UNC80: variants seen among roughly 807,000 people sequenced by gnomAD.
UNC80 encodes the protein unc-80 subunit of NALCN channel complex, also known as protein unc-80 homolog.
A neutral mutation model predicts 384.6 loss-of-function variants in UNC80; 164 were observed. The ratio of observed to expected loss-of-function variants is 0.43; its 90% CI spans 0.38 to 0.49. The LOEUF (loss-of-function observed/expected upper bound fraction) is 0.49, where lower values mean the gene tolerates loss of function less well. Among genes scored for constraint, UNC80 ranks in the 20% least tolerant of loss-of-function variants. UNC80 has a pLI of 0.00. For synonymous variants in UNC80, 1,486 were observed against 1,527.8 expected (o/e 0.97, Z 0.64); for missense variants, 3,330 against 4,143.0 (o/e 0.80, Z 5.39).
chr2:209,911,262 T>C (rs2088906968), intron 29 of UNC80, among the ~76,000 whole-genome samples: 1 of 152,194 alleles, frequency 6.6e-6, no homozygotes, highest in African/African-American at 2.4e-5. Context: ...GGAAAACTAT[T>C]GCTATATATG....
intron 47 of UNC80, among the ~76,000 whole-genome samples, chr2:209,949,665 A>G (rs2092070156): frequency 6.6e-6 from 1 of 152,072 alleles, no homozygotes; most frequent in South Asian, 2.1e-4. Flanking sequence ...TTTAGTAGAC[A>G]TGGGGTTTCA....
chr2:209,789,358 T>C (rs932788322), intron 5 of UNC80, among the ~76,000 whole-genome samples, 174 bp from the exon 6 acceptor site: 4 of 152,182 alleles, frequency 2.6e-5, no homozygotes, highest in Admixed American at 2.6e-4. Flanking sequence ...ACCAAAAAAA[T>C]GCTAAGATTT....
intron 13 of UNC80, among the ~76,000 whole-genome samples, chr2:209,824,305 G>T (rs1413374506): frequency 6.6e-6 from 1 of 152,140 alleles, no homozygotes; most frequent in Non-Finnish European, 1.5e-5. Flanking sequence ...AGATATGCGT[G>T]CAGGCAATTT....
intron 4 of UNC80, among the ~76,000 whole-genome samples, chr2:209,780,774 G>C (rs1001843771): frequency 2.0e-5 from 3 of 151,976 alleles, no homozygotes; most frequent in African/African-American, 7.3e-5. Flanking sequence ...ATCAGGTTCT[G>C]TTGGAGCCTA....
At chr2:209,803,963 C>G (rs925788072) in intron 7 of UNC80, among the ~76,000 whole-genome samples, 1 of 152,146 alleles carries the variant, frequency 6.6e-6, no homozygotes, top group Non-Finnish European at 1.5e-5. Context: ...TCTTGAACCC[C>G]TGGCCTCAAG....
At chr2:209,793,493 TTTGCCTGATGC>T (rs1257176353) in intron 6 of UNC80, among the ~76,000 whole-genome samples, 5 of 152,212 alleles carry the variant, frequency 3.3e-5, no homozygotes, top group Non-Finnish European at 5.9e-5. Context: ...ATGAAATTAC[TTTGCCTGATGC>T]TTGAAATGAC....
chr2:209,817,662 G>T, intron 10 of UNC80, 150 bp from the exon 11 acceptor site: 1 of 919,004 alleles, frequency 1.1e-6, no homozygotes. Flanking sequence ...ATATCCCCAT[G>T]GCAAGTTCAG....
chr2:209,896,612 A>G (rs1360074444), intron 28 of UNC80, among the ~76,000 whole-genome samples, 199 bp downstream of exon 28: 1 of 152,176 alleles, frequency 6.6e-6, no homozygotes, highest in Admixed American at 6.5e-5. Context: ...TCTTAAGCTT[A>G]ACTAAGACCA....
At chr2:209,835,299 A>G (rs1484287931) in intron 18 of UNC80, among the ~76,000 whole-genome samples, 1 of 152,186 alleles carries the variant, frequency 6.6e-6, no homozygotes, top group Non-Finnish European at 1.5e-5. Flanking sequence ...TGGCATATAT[A>G]CCAGGTGGGC....
chr2:209,812,762 G>A (rs1248682108), intron 7 of UNC80, among the ~76,000 whole-genome samples: 1 of 152,120 alleles, frequency 6.6e-6, no homozygotes, highest in East Asian at 1.9e-4. Flanking sequence ...TCTGAATTTT[G>A]TGGGACACAA....
chr2:209,773,212 T>TTTGTCTATA, intron 2 of UNC80, 70 bp downstream of exon 2: 1 of 1,356,974 alleles, frequency 7.4e-7, no homozygotes, highest in Non-Finnish European at 1.0e-6. Context: ...AAGACAGATT[T>TTTGTCTATA]TAAATCAAAC....
At chr2:209,784,868 C>A (rs1015546815) in intron 4 of UNC80, among the ~76,000 whole-genome samples, 7 of 152,240 alleles carry the variant, frequency 4.6e-5, no homozygotes, top group Non-Finnish European at 1.0e-4. Flanking sequence ...ACAGGGAATT[C>A]TAAAGACTTT....
chr2:209,905,221 G>A (rs541836770), intron 29 of UNC80, among the ~76,000 whole-genome samples: 2 of 152,100 alleles, frequency 1.3e-5, no homozygotes, highest in Non-Finnish European at 2.9e-5. Flanking sequence ...TGACGATGAC[G>A]AATAAGTTAT....
At position 209,970,896 on chromosome 2, in the gene UNC80, A is replaced by C. The variant is rs1187770842; in HGVS notation, c.8195A>C (p.Tyr2732Ser). 1 of 1,551,806 alleles carries C rather than the reference A, an allele frequency of 6.4e-7. No homozygotes were observed. Among genetic ancestry groups the C allele is most frequent in the South Asian group, 1.2e-5 (1 of 84,054 alleles). Residue 2732 changes from tyrosine (Y) to serine (S), a missense_variant, in exon 54 of 65, where the codon TAT becomes TCT. Physicochemically the swap from Tyr to Ser is moderately radical, Grantham distance 144. Around this residue, in one of 8 missense-constraint regions of UNC80, gnomAD observed 1,049 missense variants for 1,488.6 expected, o/e 0.70. Coordinates refer to ENST00000673920, the MANE Select transcript of UNC80 (RefSeq NM_001371986.1). Reference protein sequence around the residue: ...DGLPLLHLSPYLSPPLPFSTA... With the variant: ...DGLPLLHLSPSLSPPLPFSTA... ...TTACCCCTTCTTCATCTCAGCCCTT[A>C]TCTCTCACCACCTCTGCCCTTCAGC...
At chr2:209,852,505 G>T (rs1418456457) in intron 22 of UNC80, among the ~76,000 whole-genome samples, 1 of 151,992 alleles carries the variant, frequency 6.6e-6, no homozygotes, top group Non-Finnish European at 1.5e-5. Flanking sequence ...TGGTATGAGA[G>T]CAAAAGAATT....
At chr2:209,915,247 C>G (rs2089395786) in intron 31 of UNC80, among the ~76,000 whole-genome samples, 1 of 150,946 alleles carries the variant, frequency 6.6e-6, no homozygotes, top group Non-Finnish European at 1.5e-5. Flanking sequence ...ACTAAAAATA[C>G]AAAAAAAATT....
intron 29 of UNC80, among the ~76,000 whole-genome samples, chr2:209,906,871 A>T (rs915435899): frequency 3.9e-5 from 6 of 152,208 alleles, no homozygotes; most frequent in African/African-American, 1.4e-4. Context: ...CCTTAGCTTT[A>T]GGTTAAAACC....
intron 4 of UNC80, among the ~76,000 whole-genome samples, chr2:209,781,686 T>G (rs1249597095): frequency 2.0e-5 from 3 of 152,190 alleles, no homozygotes; most frequent in Non-Finnish European, 4.4e-5. Context: ...CTTGACACTT[T>G]GTTCTTCTCA....
chr2:209,876,770 T>C (rs550489284), intron 23 of UNC80, among the ~76,000 whole-genome samples: 1 of 152,328 alleles, frequency 6.6e-6, no homozygotes, highest in Admixed American at 6.5e-5. Context: ...GGTTAGCAGC[T>C]AAAATTTTAG....
Sources: gnomAD v4.1 joint callset for allele counts (sites outside exome capture counted in the v4.1 genomes callset) on GRCh38, gnomAD v4.1.1 for gene constraint, gnomAD v4.1.1 regional missense constraint, MANE v1.5 for transcripts, NCBI Gene and HGNC (gene_info 2026-07-23, HGNC 2026-07-21) for gene names.